The following KCNMA1 variants were observed in gnomAD, a reference collection of about 807,000 sequenced individuals.
KCNMA1 encodes Calcium-activated potassium channel subunit alpha-1.
KCNMA1 carries 29 observed loss-of-function variants against 140.0 expected under a neutral mutation model. The observed-to-expected ratio is 0.21, with a 90% CI of 0.15 to 0.28. The LOEUF (loss-of-function observed/expected upper bound fraction) is 0.28, where lower values mean the gene tolerates loss of function less well. Among genes scored for constraint, KCNMA1 ranks in the 10% least tolerant of loss-of-function variants. The pLI is 1.00. For synonymous variants in KCNMA1, 612 were observed against 611.9 expected (o/e 1.00, Z 0.00); for missense variants, 880 against 1,602.2 (o/e 0.55, Z 7.70).
intron 1 of KCNMA1, among the ~76,000 whole-genome samples, chr10:77,627,242 C>T (rs562236450): frequency 1.3e-5 from 2 of 152,156 alleles, no homozygotes; most frequent in African/African-American, 4.8e-5. Context: ...GAATCCAACT[C>T]GAGTTTCCTA....
At chr10:77,272,204 G>T (rs938993919) in intron 2 of KCNMA1, among the ~76,000 whole-genome samples, 6 of 152,088 alleles carry the variant, frequency 3.9e-5, no homozygotes, top group Non-Finnish European at 7.4e-5. Flanking sequence ...ATTCTGTAAG[G>T]ACACAGACCT....
At chr10:77,104,862 T>C (rs888633957) in intron 9 of KCNMA1, among the ~76,000 whole-genome samples, 3 of 152,170 alleles carry the variant, frequency 2.0e-5, no homozygotes, top group African/African-American at 4.8e-5. Flanking sequence ...CCAAAGGCCA[T>C]GGGAGCGTCA....
In KCNMA1 at chr10:77,012,055, G is replaced by A; in HGVS notation, c.2016-12C>T. 1.2e-6 allele frequency: 2 copies of A among 1,613,560 alleles called. No individual in the cohort carries two copies. The highest frequency in any genetic ancestry group is 1.7e-6 in the Non-Finnish European group (2 of 1,179,726). On this transcript the variant is annotated splice_polypyrimidine_tract_variant and intron_variant, in intron 17 of 27. Coordinates refer to ENST00000286628, the MANE Select transcript of KCNMA1 (RefSeq NM_001161352.2). ...AGTAAAAAAATGCCCTGGAGAAAGA[G>A]AATGGAAAAACTGACACGTTTCATA...
At chr10:77,620,958 G>A (rs941355777) in intron 1 of KCNMA1, among the ~76,000 whole-genome samples, 3 of 152,172 alleles carry the variant, frequency 2.0e-5, no homozygotes, top group Admixed American at 2.0e-4. Flanking sequence ...GGTATTGCCA[G>A]AGAGGAAATG....
At chr10:77,082,175 C>T (rs557108331) in intron 12 of KCNMA1, among the ~76,000 whole-genome samples, 2 of 151,788 alleles carry the variant, frequency 1.3e-5, no homozygotes, top group Non-Finnish European at 2.9e-5. Context: ...ATTACAGGCA[C>T]ACACCACCAC....
chr10:77,391,644 G>T (rs370032670), intron 2 of KCNMA1, among the ~76,000 whole-genome samples: 1 of 134,830 alleles, frequency 7.4e-6, no homozygotes, highest in Non-Finnish European at 1.6e-5. Context: ...TTGTTTGTTT[G>T]TTTTTTTCTG....
chr10:77,018,041 C>CT (rs1253076210), intron 17 of KCNMA1, among the ~76,000 whole-genome samples: 6 of 152,122 alleles, frequency 3.9e-5, no homozygotes, highest in African/African-American at 1.4e-4. Context: ...CCACCACTTA[C>CT]TTATGTGCCT....
At chr10:76,907,398 T>C (rs1361276207) in intron 25 of KCNMA1, among the ~76,000 whole-genome samples, 4 of 152,204 alleles carry the variant, frequency 2.6e-5, no homozygotes, top group Non-Finnish European at 5.9e-5. Context: ...GTGGCTACCA[T>C]ATGCCCCTTT....
intron 25 of KCNMA1, among the ~76,000 whole-genome samples, chr10:76,906,270 G>A (rs547241874): frequency 1.1e-3 from 163 of 152,328 alleles, no homozygotes; most frequent in Admixed American, 2.7e-3. Context: ...TAAAAACAGA[G>A]AGGATTCCTT....
intron 19 of KCNMA1, among the ~76,000 whole-genome samples, chr10:76,985,829 G>A (rs528842068): frequency 6.6e-6 from 1 of 152,312 alleles, no homozygotes; most frequent in African/African-American, 2.4e-5. Context: ...TGGTGATTTT[G>A]TAAGAACAGA....
chr10:77,458,523 T>G (rs1314432857), intron 1 of KCNMA1, among the ~76,000 whole-genome samples: 1 of 152,226 alleles, frequency 6.6e-6, no homozygotes, highest in African/African-American at 2.4e-5. Flanking sequence ...CAGACACACA[T>G]GCATGGTAGA....
At chr10:77,091,038 TGGCC>T in intron 9 of KCNMA1, 1 of 171,646 alleles carries the variant, frequency 5.8e-6, no homozygotes, top group South Asian at 1.4e-4. Flanking sequence ...TAGGTTCTGC[TGGCC>T]ATAAGCAGTA....
chr10:76,945,347 A>G (rs1410681923), intron 22 of KCNMA1, among the ~76,000 whole-genome samples: 2 of 152,254 alleles, frequency 1.3e-5, no homozygotes, highest in East Asian at 1.9e-4. Flanking sequence ...GGCTTTCAGA[A>G]TGTAACAAGG....
rs111538409 is a variant in KCNMA1, at chr10:77,402,490, C to G, written c.540+1372G>C. ...CATCAGCCATGGTTTCATAACCAGA[C>G]CCTTCAGCACACAGCTCACGGCAGA... On this transcript the variant is annotated intron_variant, in intron 2 of 27. Coordinates refer to ENST00000286628, the MANE Select transcript of KCNMA1 (RefSeq NM_001161352.2). 4.2e-3 allele frequency among the ~76,000 whole-genome samples: 645 copies of G among 152,356 alleles called. 6 individuals are homozygous for G. Among genetic ancestry groups the G allele is most frequent in the African/African-American group, 0.015 (609 of 41,580 alleles).
At chr10:77,232,246 T>C (rs1013072771) in intron 3 of KCNMA1, among the ~76,000 whole-genome samples, 3 of 152,262 alleles carry the variant, frequency 2.0e-5, no homozygotes, top group Non-Finnish European at 4.4e-5. Context: ...TGTGTGGACA[T>C]GTATTTTCAT....
intron 5 of KCNMA1, among the ~76,000 whole-genome samples, chr10:77,125,427 C>T (rs2153967614): frequency 6.6e-6 from 1 of 152,374 alleles, no homozygotes; most frequent in Middle Eastern, 3.4e-3. Flanking sequence ...TGCCCCAGGG[C>T]CTCTGCACAT....
In KCNMA1 at chr10:77,271,839, G is replaced by GA. The variant is rs372819802; in HGVS notation, c.541-20584dup. ...AACACCACAACCCCACACCCTGGGG[G>GA]AAAAAAAAAGCTCAGATACTCTGAA... is the stretch of plus-strand genomic sequence containing the variant. On this transcript the variant is annotated intron_variant, in intron 2 of 27. Transcript: ENST00000286628. Among the ~76,000 whole-genome samples, 23 of 151,048 alleles carry GA rather than the reference G, an allele frequency of 1.5e-4. 1 individual carries two copies. Among genetic ancestry groups the GA allele is most frequent in the African/African-American group, 4.6e-4 (19 of 41,188 alleles).
intron 14 of KCNMA1, chr10:77,063,674 T>G: frequency 1.1e-6 from 1 of 923,864 alleles, no homozygotes. Context: ...ACCAATAGAC[T>G]TAAGGAAATC....
chr10:77,524,487 C>G lies in KCNMA1; in HGVS notation c.378+112778G>C, dbSNP rs746347188. ...CAGAATAATAAGAAGAAGAATATTC[C>G]CTTCTCCTCTGGGACTCTTCAAATG... On this transcript the variant is annotated intron_variant, in intron 1 of 27. Transcript: ENST00000286628. Among the ~76,000 whole-genome samples, 27 of 152,122 alleles carry G rather than the reference C, an allele frequency of 1.8e-4. 1 individual carries two copies. The highest frequency in any genetic ancestry group is 3.7e-4 in the Non-Finnish European group (25 of 68,024).
Sources: allele counts gnomAD v4.1 joint callset (sites outside exome capture counted in the v4.1 genomes callset), GRCh38; gene constraint gnomAD v4.1.1; transcripts MANE v1.5; gene names NCBI Gene and HGNC (gene_info 2026-07-23, HGNC 2026-07-21).